Variants in WDR87 observed in about 807,000 individuals in gnomAD.
The protein encoded by WDR87 is WD repeat domain 87.
WDR87 carries 56 observed loss-of-function variants against 83.3 expected under a neutral mutation model. That is an observed-to-expected ratio of 0.67 (90% CI 0.54 to 0.84). The LOEUF (loss-of-function observed/expected upper bound fraction) is 0.84, where lower values mean the gene tolerates loss of function less well. WDR87 is among the 40% of genes least tolerant of loss of function. The probability of loss-of-function intolerance (pLI) is 0.00; values close to 1 mark genes in which losing one functional copy is unlikely to be tolerated. For synonymous variants in WDR87, 1,173 were observed against 1,250.6 expected, an observed-to-expected ratio of 0.94 and a Z score of 1.31; for missense variants, 2,939 against 3,431.9, an observed-to-expected ratio of 0.86 and a Z score of 3.59.
In WDR87 at chr19:37,888,806, C is replaced by T. The variant is rs6508750; in HGVS notation, c.4865G>A (p.Arg1622Gln). The T allele has an allele frequency of 0.44, 688,293 of 1,551,188 alleles. 162,396 individuals are homozygous for T. The highest frequency in any genetic ancestry group is 0.84 in the East Asian group (34,449 of 40,880). The change falls in exon 6 of 6, where the codon CGA becomes CAA. Residue 1622 changes from arginine to glutamine, a missense_variant. Physicochemically the swap from Arg to Gln is conservative, Grantham distance 43. Transcript: ENST00000447313. ...KWARIHRKRA[R>Q]AEKKRAQEER... Reference sequence around the variant, plus strand: ...TTCTTGGGCTCGTTTTTTTTCAGCTCGGGCTCGTTTCCTGTGTATTCTGGC... The same window carrying T: ...TTCTTGGGCTCGTTTTTTTTCAGCTTGGGCTCGTTTCCTGTGTATTCTGGC...
Position 37,893,480 on chromosome 19 carries a change from G to A in WDR87, c.2223C>T (p.Ala741=). 10 of 1,551,944 alleles carry A rather than the reference G, an allele frequency of 6.4e-6. No homozygotes were observed. Among genetic ancestry groups the A allele is most frequent in the Non-Finnish European group, 7.8e-6 (9 of 1,147,048 alleles). The part of the protein sequence containing the change: ...LEKLVNNRAI[A]FDHSVPHVIE... ...TCACATGTGGCACAGAATGGTCAAAGGCAATGGCCCGGTTGTTGACAAGTT... is the reference window on the plus strand; with the variant it reads ...TCACATGTGGCACAGAATGGTCAAAAGCAATGGCCCGGTTGTTGACAAGTT... Residue 741 remains alanine, a synonymous_variant, in exon 4 of 6, where the codon GCC becomes GCT. Coordinates refer to ENST00000447313, the MANE Select transcript of WDR87 (RefSeq NM_001291088.2).
At chr19:37,902,970 C>G (rs541267907) in intron 1 of WDR87, among the ~76,000 whole-genome samples, 2 of 152,280 alleles carry the variant, frequency 1.3e-5, no homozygotes, top group African/African-American at 4.8e-5. Flanking sequence ...GTTATATTAT[C>G]CTTTAGAACT....
At chr19:37,902,955 G>C (rs529628391) in intron 1 of WDR87, among the ~76,000 whole-genome samples, 7 of 152,210 alleles carry the variant, frequency 4.6e-5, no homozygotes, top group Non-Finnish European at 1.0e-4. Flanking sequence ...AATTCTAGGT[G>C]ATGGGTTATA....
intron 5 of WDR87, 124 bp from the exon 6 acceptor site, chr19:37,890,400 C>A: frequency 8.4e-7 from 1 of 1,194,158 alleles, no homozygotes; most frequent in East Asian, 2.8e-5. Context: ...AGAACTGAGG[C>A]CTTAAAAAAA....
chr19:37,892,244 T>G (rs1429146272), intron 4 of WDR87, among the ~76,000 whole-genome samples: 1 of 151,942 alleles, frequency 6.6e-6, no homozygotes, highest in Non-Finnish European at 1.5e-5. Context: ...AATTAGCCAG[T>G]GTGGTGGTGC....
rs1344514417 is a variant in WDR87 at position 37,889,167 on chromosome 19, C to T, written c.4504G>A (p.Ala1502Thr). 1.9e-6 allele frequency: 3 copies of T among 1,552,318 alleles called. No homozygotes were observed. The highest frequency in any genetic ancestry group is 2.6e-6 in the Non-Finnish European group (3 of 1,147,128). The change falls in exon 6 of 6, where the codon GCC (alanine) becomes ACC (threonine). Residue 1502 changes from alanine to threonine, a missense_variant. Around this residue, in one of 3 missense-constraint regions of WDR87, gnomAD observed 2,160 missense variants for 2,533.1 expected, o/e 0.85. Coordinates refer to ENST00000447313, the MANE Select transcript of WDR87 (RefSeq NM_001291088.2). ...TGGACCTGTTTCCACTCATCCCAGG[C>T]CTTTTTCCAGTCCTGCCAAGATGGT... ...RTPSWQDWKK[A>T]WDEWKQVHGE...
Position 37,889,343 on chromosome 19 carries a change from C to T in WDR87, c.4328G>A (p.Arg1443Lys). 6.4e-7 allele frequency: 1 copy of T among 1,551,970 alleles called. No homozygotes were observed. Among genetic ancestry groups the T allele is most frequent in the Non-Finnish European group, 8.7e-7 (1 of 1,147,080 alleles). Residue 1443 changes from arginine (R) to lysine (K), a missense_variant, in exon 6 of 6, where the codon AGG becomes AAG. By Grantham distance (26) the Arg-to-Lys change is conservative. Around this residue, in one of 3 missense-constraint regions of WDR87, gnomAD observed 2,160 missense variants for 2,533.1 expected, o/e 0.85. Transcript: ENST00000447313. ...KTFQKSPKQG[R>K]KAVQKERKVG... ...TTTTCTTTCCTTCTGGACAGCTTTCCTCCCTTGCTTAGGTGACTTCTGAAA... is the reference window on the plus strand; with the variant it reads ...TTTTCTTTCCTTCTGGACAGCTTTCTTCCCTTGCTTAGGTGACTTCTGAAA...
In WDR87 at chr19:37,887,354, G is replaced by T. The variant is rs778783911; in HGVS notation, c.6317C>A (p.Ser2106Tyr). ...TTTGTTCAGTTTTGCTGGTTCCTTGGAAAGGCTCTCCCTTTTTTTAATCAA... is the reference window on the plus strand; with the variant it reads ...TTTGTTCAGTTTTGCTGGTTCCTTGTAAAGGCTCTCCCTTTTTTTAATCAA... ...RKLIKKRESL[S>Y]KEPAKLNKIL... is the part of the protein sequence containing the mutation. Residue 2106 changes from serine to tyrosine, a missense_variant, in exon 6 of 6, where the codon TCC (serine) becomes TAC (tyrosine). Physicochemically the swap from Ser to Tyr is moderately radical, Grantham distance 144. Coordinates refer to ENST00000447313, the MANE Select transcript of WDR87 (RefSeq NM_001291088.2). 1.5e-5 allele frequency: 24 copies of T among 1,551,440 alleles called. No homozygotes were observed. Among genetic ancestry groups the T allele is most frequent in the Non-Finnish European group, 2.0e-5 (23 of 1,146,964 alleles).
Position 37,886,481 on chromosome 19 carries a change from TTTC to T in WDR87, c.7187_7189del (p.Arg2396del). 1 of 1,517,830 alleles carries T rather than the reference TTTC, an allele frequency of 6.6e-7. No individual in the cohort carries two copies. Among genetic ancestry groups the T allele is most frequent in the Non-Finnish European group, 8.8e-7 (1 of 1,138,268 alleles). 94.0% of individuals were successfully genotyped at this position (1,517,830 alleles called of 1,614,324 possible). On this transcript the variant is annotated inframe_deletion, in exon 6 of 6. Transcript: ENST00000447313. Reference sequence around the variant, plus strand: ...GACTCTTTCCCTTCCTCTTAGGCTCTTTCTTCTTTGTTCTTGTAACTTAAATTG... The same window carrying T: ...GACTCTTTCCCTTCCTCTTAGGCTCTTTCTTTGTTCTTGTAACTTAAATTG...
chr19:37,892,494 A>G, intron 4 of WDR87, 84 bp downstream of exon 4: 1 of 1,247,212 alleles, frequency 8.0e-7, no homozygotes, highest in Non-Finnish European at 1.1e-6. Context: ...AGGGAGAATT[A>G]ATGAACAGGG....
Position 37,898,166 on chromosome 19 carries a change from T to A in WDR87, c.74A>T (p.Lys25Met). The A allele has an allele frequency of 6.4e-7, 1 of 1,551,710 alleles. No individual in the cohort carries two copies. Among genetic ancestry groups the A allele is most frequent in the Non-Finnish European group, 8.7e-7 (1 of 1,146,972 alleles). ...GTTTATGTCCTACATATACATTACC[T>A]TGCTTTTATTTATGGTGTCATTTAG... ...LLLNDTINKS[K>M]QPSEDPKNCL... is the part of the protein sequence containing the mutation. Residue 25 changes from lysine (K) to methionine (M), a missense_variant and splice_region_variant, in exon 2 of 6, where the codon AAG (lysine) becomes ATG (methionine). Transcript: ENST00000447313.
At chr19:37,897,080 CTAAG>C (rs1205137957) in intron 2 of WDR87, among the ~76,000 whole-genome samples, 3 of 152,090 alleles carry the variant, frequency 2.0e-5, no homozygotes, top group Admixed American at 6.6e-5. Flanking sequence ...TAAAGCTGCA[CTAAG>C]TGAGACTCTT....
In WDR87 at chr19:37,890,036, T is replaced by C; in HGVS notation, c.3635A>G (p.Gln1212Arg). Residue 1212 changes from glutamine to arginine, a missense_variant, in exon 6 of 6, where the codon CAG becomes CGG. Physicochemically the swap from Gln to Arg is conservative, Grantham distance 43. Around this residue, in one of 3 missense-constraint regions of WDR87, gnomAD observed 2,160 missense variants for 2,533.1 expected, o/e 0.85. Transcript: ENST00000447313. ...DHIALTLKRL[Q>R]KIRDKRDKKA... ...CTTGTCTCTTTTGTCACGTATTTTC[T>C]GCAGCCTCTTCAGGGTCAATGCAAT... 6.4e-7 allele frequency: 1 copy of C among 1,551,756 alleles called. No individual in the cohort carries two copies. The highest frequency in any genetic ancestry group is 8.7e-7 in the Non-Finnish European group (1 of 1,147,016).
intron 1 of WDR87, among the ~76,000 whole-genome samples, chr19:37,905,377 C>T (rs1018417631): frequency 2.0e-5 from 3 of 151,784 alleles, no homozygotes; most frequent in African/African-American, 7.3e-5. Context: ...CGCCTATAAT[C>T]CCAGCACTTT....
Position 37,895,036 on chromosome 19 carries a change from G to A in WDR87, c.667C>T (p.His223Tyr). ...LCETVVRVLM[H>Y]QGKGQLGEVK... Reference sequence around the variant, plus strand: ...TCTCCCAGCTGGCCCTTGCCCTGGTGCATAAGGACCCTCACCACCGTCTCA... The same window carrying A: ...TCTCCCAGCTGGCCCTTGCCCTGGTACATAAGGACCCTCACCACCGTCTCA... Residue 223 changes from histidine to tyrosine, a missense_variant, in exon 4 of 6, where the codon CAC becomes TAC. Physicochemically the swap from His to Tyr is moderately conservative, Grantham distance 83. This residue lies in a region of WDR87 where 226 missense variants were observed against 320.9 expected (regional missense o/e 0.70). Coordinates refer to ENST00000447313, the MANE Select transcript of WDR87 (RefSeq NM_001291088.2). The A allele has an allele frequency of 6.4e-7, 1 of 1,551,694 alleles. No homozygotes were observed. The highest frequency in any genetic ancestry group is 2.4e-5 in the East Asian group (1 of 40,908).
Position 37,890,007 on chromosome 19 carries a change from C to T in WDR87, c.3664G>A (p.Ala1222Thr). ...QKIRDKRDKK[A>T]TAQKLKKKHK... The stretch of plus-strand genomic sequence containing the variant: ...TTCTTTTTGAGTTTCTGAGCTGTTG[C>T]TTTCTTGTCTCTTTTGTCACGTATT... Residue 1222 changes from alanine (A) to threonine (T), a missense_variant, in exon 6 of 6, where the codon GCA becomes ACA. This residue lies in a region of WDR87 where 2,160 missense variants were observed against 2,533.1 expected (regional missense o/e 0.85). Coordinates refer to ENST00000447313, the MANE Select transcript of WDR87 (RefSeq NM_001291088.2). The T allele has an allele frequency of 6.4e-7, 1 of 1,551,618 alleles. No homozygotes were observed. The highest frequency in any genetic ancestry group is 8.7e-7 in the Non-Finnish European group (1 of 1,146,976).
In WDR87 at chr19:37,887,419, A is replaced by G. The variant is rs369231054; in HGVS notation, c.6252T>C (p.Phe2084=). 70 of 1,551,536 alleles carry G rather than the reference A, an allele frequency of 4.5e-5. No individual in the cohort carries two copies. In the African/African-American group the frequency reaches 9.0e-4, roughly 20 times the overall value. ...KLEFTRGQRI[F]VQGQRKLAKA... ...TGGCTAACTTTCTTTGCCCCTGGAC[A>G]AATATTCTCTGTCCTCTAGTAAATT... The change falls in exon 6 of 6, where the codon TTT becomes TTC. Residue 2084 remains phenylalanine, a synonymous_variant. Coordinates refer to ENST00000447313, the MANE Select transcript of WDR87 (RefSeq NM_001291088.2).
chr19:37,887,925 C>T lies in WDR87; in HGVS notation c.5746G>A (p.Val1916Ile). Residue 1916 changes from valine (V) to isoleucine (I), a missense_variant, in exon 6 of 6, where the codon GTA becomes ATA. Coordinates refer to ENST00000447313, the MANE Select transcript of WDR87 (RefSeq NM_001291088.2). ...TTGAACATTCCCAATTTGTTCTTTA[C>T]TTGCACTAATTGCTTTTTGCTGTGG... ...LTHSKKQLVQ[V>I]KNKLGMFNKI... 1 of 1,551,734 alleles carries T rather than the reference C, an allele frequency of 6.4e-7. No individual in the cohort carries two copies. Among genetic ancestry groups the T allele is most frequent in the Non-Finnish European group, 8.7e-7 (1 of 1,146,998 alleles).
Position 37,889,379 on chromosome 19 carries a change from T to C in WDR87, c.4292A>G (p.Glu1431Gly). The C allele has an allele frequency of 6.4e-7, 1 of 1,551,512 alleles. No individual in the cohort carries two copies. The highest frequency in any genetic ancestry group is 8.7e-7 in the Non-Finnish European group (1 of 1,147,006). Reference sequence around the variant, plus strand: ...AGGTGACTTCTGAAAGGTTTTCTTCTCTTCTTTCTTTGATATTTCTTTTCC... The same window carrying C: ...AGGTGACTTCTGAAAGGTTTTCTTCCCTTCTTTCTTTGATATTTCTTTTCC... The part of the protein sequence containing the change: ...TMGKEISKKE[E>G]KKTFQKSPKQ... Residue 1431 changes from glutamate to glycine, a missense_variant, in exon 6 of 6, where the codon GAG (glutamate) becomes GGG (glycine). Physicochemically the swap from Glu to Gly is moderately conservative, Grantham distance 98. Transcript: ENST00000447313.
Sources: gnomAD v4.1 joint callset for allele counts (sites outside exome capture counted in the v4.1 genomes callset) on GRCh38, gnomAD v4.1.1 for gene constraint, gnomAD v4.1.1 regional missense constraint, MANE v1.5 for transcripts, NCBI Gene and HGNC (gene_info 2026-07-23, HGNC 2026-07-21) for gene names.